USP14: variants seen among roughly 807,000 people sequenced by gnomAD.
The protein encoded by USP14 is ubiquitin carboxyl-terminal hydrolase 14.
A neutral mutation model predicts 76.5 loss-of-function variants in USP14; 38 were observed. The ratio of observed to expected loss-of-function variants is 0.50; its 90% CI spans 0.38 to 0.65. USP14 has a LOEUF of 0.65. Among genes scored for constraint, USP14 ranks in the 30% least tolerant of loss-of-function variants. The pLI is 0.00. For synonymous variants in USP14, 192 were observed against 191.7 expected (o/e 1.00, Z -0.01); for missense variants, 467 against 586.5 (o/e 0.80, Z 2.10).
Position 163,335 on chromosome 18 carries a change from T to C in USP14, c.44T>C (p.Phe15Ser). 1.9e-6 allele frequency: 3 copies of C among 1,610,404 alleles called. No individual in the cohort carries two copies. The highest frequency in any genetic ancestry group is 2.5e-6 in the Non-Finnish European group (3 of 1,178,624). The change falls in exon 2 of 16, where the codon TTT (phenylalanine) becomes TCT (serine). Residue 15 changes from phenylalanine to serine, a missense_variant. Phe to Ser is a radical substitution (Grantham distance 155). Transcript: ENST00000261601. ...ACTGTAAAATGGGGAAAGGAGAAAT[T>C]TGAAGGTGTAGAATTGAATACAGAT... ...SVTVKWGKEK[F>S]EGVELNTDEP... is the part of the protein sequence containing the mutation.
At chr18:202,038 TTTAAAA>T (rs1910397247) in intron 10 of USP14, among the ~76,000 whole-genome samples, 1 of 152,236 alleles carries the variant, frequency 6.6e-6, no homozygotes, top group African/African-American at 2.4e-5. Context: ...AAAATCAGAC[TTTAAAA>T]TTATACAAGT....
intron 1 of USP14, among the ~76,000 whole-genome samples, chr18:159,609 T>G (rs943161433): frequency 6.6e-6 from 1 of 152,120 alleles, no homozygotes; most frequent in South Asian, 2.1e-4. Flanking sequence ...GAATCAAGAG[T>G]ATTGTTTGAT....
At position 211,988 on chromosome 18, in the gene USP14, C is replaced by G. The variant is rs1458117019; in HGVS notation, c.*704C>G. 6.6e-6 allele frequency: 1 copy of G among 151,828 alleles called. No homozygotes were observed. Among genetic ancestry groups the G allele is most frequent in the Non-Finnish European group, 1.5e-5 (1 of 67,986 alleles). The allele number at this position is 151,828 out of a possible 1,614,324, so 9.4% of individuals were successfully genotyped here. On this transcript the variant is annotated 3_prime_UTR_variant, in exon 16 of 16. Transcript: ENST00000261601. ...AGTCTTAAGAAAATGTTGACAAGCTCTGGTTGCTTATTTTTAGAAAATGAG... is the reference window on the plus strand; with the variant it reads ...AGTCTTAAGAAAATGTTGACAAGCTGTGGTTGCTTATTTTTAGAAAATGAG...
intron 12 of USP14, among the ~76,000 whole-genome samples, chr18:203,840 C>G (rs188132089): frequency 6.6e-6 from 1 of 152,084 alleles, no homozygotes; most frequent in Admixed American, 6.5e-5. Context: ...CCTCTTGATC[C>G]GCCCGCTTTG....
chr18:166,194 A>G (rs1398017491), intron 2 of USP14, among the ~76,000 whole-genome samples: 2 of 152,200 alleles, frequency 1.3e-5, no homozygotes, highest in Non-Finnish European at 2.9e-5. Flanking sequence ...AGTACTTGCT[A>G]AAAGTATTTT....
At chr18:176,603 T>C (rs1419318387) in intron 3 of USP14, among the ~76,000 whole-genome samples, 1 of 152,168 alleles carries the variant, frequency 6.6e-6, no homozygotes, top group East Asian at 1.9e-4. Context: ...GTATATATGG[T>C]ATAGTTTTGC....
rs969309710 is a variant in USP14 at position 168,896 on chromosome 18, T to C, written c.195+2077T>C. Among the ~76,000 whole-genome samples, 54 of 146,012 alleles carry C rather than the reference T, an allele frequency of 3.7e-4. 1 individual carries two copies. Among genetic ancestry groups the C allele is most frequent in the Non-Finnish European group, 1.7e-4 (11 of 66,238 alleles). ...ACCATCCTGGCTAACATGGTGAAAC[T>C]CCGTCTCTACTAAAAAAAAAATACA... On this transcript the variant is annotated intron_variant, in intron 3 of 15. Coordinates refer to ENST00000261601, the MANE Select transcript of USP14 (RefSeq NM_005151.4).
intron 9 of USP14, 110 bp from the exon 10 acceptor site, chr18:199,092 G>A (rs1209947906): frequency 1.5e-6 from 1 of 657,080 alleles, no homozygotes; most frequent in African/African-American, 1.9e-5. Context: ...GGTTTTAAAT[G>A]CCAATGAATG....
rs563572283 is a variant in USP14 at position 196,410 on chromosome 18, G to A, written c.464-227G>A. 1.4e-4 allele frequency: 47 copies of A among 328,494 alleles called. 1 individual carries two copies. Among genetic ancestry groups the A allele is most frequent in the Admixed American group, 3.7e-4 (8 of 21,364 alleles). The allele number at this position is 328,494 out of a possible 1,614,324, so 20.3% of individuals were successfully genotyped here. A position where few individuals can be genotyped will look rare whatever the true frequency, so the allele number is the denominator to read the frequency against. ...ATGGTGGCGTGTGCCTGTAATCCCAGCTACTCTGGAGGCTGAGGCAGGAGA... is the reference window on the plus strand; with the variant it reads ...ATGGTGGCGTGTGCCTGTAATCCCAACTACTCTGGAGGCTGAGGCAGGAGA... On this transcript the variant is annotated intron_variant, in intron 6 of 15. Transcript: ENST00000261601.
intron 3 of USP14, among the ~76,000 whole-genome samples, chr18:172,123 A>G (rs1025825419): frequency 5.9e-5 from 9 of 152,146 alleles, no homozygotes; most frequent in Admixed American, 5.9e-4. Context: ...CTGTAGTCCT[A>G]GCTACTCTGG....
intron 3 of USP14, among the ~76,000 whole-genome samples, chr18:173,303 G>T (rs1038749977): frequency 1.3e-5 from 2 of 151,628 alleles, no homozygotes; most frequent in African/African-American, 4.9e-5. Context: ...AGTAGAGACG[G>T]GGTTTCACCA....
intron 3 of USP14, among the ~76,000 whole-genome samples, chr18:171,752 A>T (rs912586228): frequency 2.2e-4 from 33 of 152,210 alleles, no homozygotes; most frequent in Non-Finnish European, 4.4e-4. Flanking sequence ...GGGCAAAATC[A>T]ATTAAAAACC....
intron 5 of USP14, among the ~76,000 whole-genome samples, chr18:188,526 C>T (rs1274275): frequency 0.67 from 84,246 of 125,864 alleles, 24,960 homozygotes; most frequent in South Asian, 0.79. Context: ...TTTTTTTTTT[C>T]CTTTGTGAGG....
intron 1 of USP14, among the ~76,000 whole-genome samples, chr18:161,221 C>T (rs77205434): frequency 0.022 from 3,334 of 152,326 alleles, 65 homozygotes; most frequent in South Asian, 0.04. Flanking sequence ...AGCCACCATT[C>T]CCGGCCTCTT....
chr18:210,287 C>T (rs1433212277), intron 14 of USP14, 99 bp from the exon 15 acceptor site: 10 of 900,038 alleles, frequency 1.1e-5, no homozygotes, highest in Admixed American at 7.9e-5. Flanking sequence ...TCTGATAATA[C>T]TTTCGTAATG....
intron 6 of USP14, 53 bp downstream of exon 6, chr18:192,953 C>T (rs758137848): frequency 8.6e-5 from 127 of 1,480,336 alleles, no homozygotes; most frequent in Middle Eastern, 3.5e-4. Flanking sequence ...TTCTATTTTT[C>T]GCTCACAATC....
chr18:203,301 T>C, intron 12 of USP14, 111 bp downstream of exon 12: 1 of 955,682 alleles, frequency 1.0e-6, no homozygotes, highest in Non-Finnish European at 1.6e-6. Context: ...CTTTGAAATA[T>C]TTAGGGGAGC....
chr18:196,195 G>A (rs1271119703), intron 6 of USP14, among the ~76,000 whole-genome samples: 1 of 151,768 alleles, frequency 6.6e-6, no homozygotes, highest in African/African-American at 2.4e-5. Flanking sequence ...ATGGTGGCAT[G>A]CTCCTGTAAT....
Position 212,661 on chromosome 18 carries a change from A to G in USP14, c.*1377A>G, listed in dbSNP as rs1567838695. On this transcript the variant is annotated 3_prime_UTR_variant, in exon 16 of 16. Transcript: ENST00000261601. ...TCTGTTTCAGAATTTTAGTGATTTT[A>G]AAGTGATAGTAGAAAATACCAAGCA... 1 of 152,124 alleles carries G rather than the reference A, an allele frequency of 6.6e-6. No homozygotes were observed. The highest frequency in any genetic ancestry group is 1.5e-5 in the Non-Finnish European group (1 of 68,020). The allele number at this position is 152,124 out of a possible 1,614,324, so 9.4% of individuals were successfully genotyped here.
Sources: gnomAD v4.1 joint callset for allele counts (sites outside exome capture counted in the v4.1 genomes callset) on GRCh38, gnomAD v4.1.1 for gene constraint, MANE v1.5 for transcripts, NCBI Gene and HGNC (gene_info 2026-07-23, HGNC 2026-07-21) for gene names.